Variants in ZZEF1 observed in about 807,000 individuals in gnomAD.
The protein encoded by ZZEF1 is zinc finger ZZ-type and EF-hand domain-containing protein 1.
A neutral mutation model predicts 342.8 loss-of-function variants in ZZEF1; 157 were observed. That is an observed-to-expected ratio of 0.46 (90% CI 0.40 to 0.52). The LOEUF (loss-of-function observed/expected upper bound fraction) is 0.52. ZZEF1 is among the 20% of genes least tolerant of loss of function. The pLI is 0.00. For synonymous variants in ZZEF1, 1,505 were observed against 1,429.1 expected (o/e 1.05, Z -1.20); for missense variants, 3,480 against 3,725.6 (o/e 0.93, Z 1.72).
intron 9 of ZZEF1, among the ~76,000 whole-genome samples, chr17:4,098,525 T>C (rs769179981): frequency 2.6e-5 from 4 of 152,258 alleles, no homozygotes; most frequent in Non-Finnish European, 4.4e-5. Context: ...TTGGTAATTA[T>C]CCTTTAACAA....
chr17:4,093,147 T>G (rs534275391), intron 11 of ZZEF1, among the ~76,000 whole-genome samples: 1 of 152,082 alleles, frequency 6.6e-6, no homozygotes, highest in Non-Finnish European at 1.5e-5. Context: ...AAAATCATCC[T>G]GTATAAGATG....
chr17:4,123,739 G>T (rs1044847441), intron 2 of ZZEF1, among the ~76,000 whole-genome samples, 168 bp downstream of exon 2: 3 of 152,110 alleles, frequency 2.0e-5, no homozygotes, highest in African/African-American at 4.8e-5. Flanking sequence ...AGCCACCACC[G>T]TACTGGGGAT....
intron 42 of ZZEF1, among the ~76,000 whole-genome samples, chr17:4,028,264 A>C (rs1223110024): frequency 6.6e-6 from 1 of 152,196 alleles, no homozygotes; most frequent in Non-Finnish European, 1.5e-5. Context: ...AAAGTGAGAT[A>C]CTGGCCAGGC....
intron 26 of ZZEF1, among the ~76,000 whole-genome samples, chr17:4,068,655 A>C (rs1400962390): frequency 6.6e-6 from 1 of 152,218 alleles, no homozygotes; most frequent in Non-Finnish European, 1.5e-5. Flanking sequence ...AACCCAAAGG[A>C]TAATATACTA....
intron 42 of ZZEF1, among the ~76,000 whole-genome samples, chr17:4,029,780 AG>A (rs2056497983): frequency 6.6e-6 from 1 of 151,402 alleles, no homozygotes. Flanking sequence ...AGGCTGAGGC[AG>A]GAGAATCACT....
chr17:4,046,416 T>C (rs116480302), intron 37 of ZZEF1, among the ~76,000 whole-genome samples: 231 of 152,318 alleles, frequency 1.5e-3, no homozygotes, highest in African/African-American at 5.2e-3. Flanking sequence ...GGAAGTGTTA[T>C]GTGCATGGTG....
chr17:4,135,449 G>C (rs1421703166), intron 1 of ZZEF1, among the ~76,000 whole-genome samples: 1 of 148,172 alleles, frequency 6.7e-6, no homozygotes, highest in Non-Finnish European at 1.5e-5. Flanking sequence ...ACTGCAGCCT[G>C]GGCAACAGAG....
chr17:4,064,637 G>A lies in ZZEF1; in HGVS notation c.4442C>T (p.Pro1481Leu), dbSNP rs760938201. Reference sequence around the variant, plus strand: ...AGGACTCTGGTCTCCTGTGGCAGGGGGTGCGGCTTCAGTGGGAGATACTGA... The same window carrying A: ...AGGACTCTGGTCTCCTGTGGCAGGGAGTGCGGCTTCAGTGGGAGATACTGA... ...QASVSPTEAAPPATGDQSPGL... is the reference protein window; with the variant it reads ...QASVSPTEAALPATGDQSPGL... Residue 1481 changes from proline to leucine, a missense_variant, in exon 29 of 55, where the codon CCC becomes CTC. Physicochemically the swap from Pro to Leu is moderately conservative, Grantham distance 98. This residue lies in a region of ZZEF1 where 1,528 missense variants were observed against 1,624.1 expected (regional missense o/e 0.94). Coordinates refer to ENST00000381638, the MANE Select transcript of ZZEF1 (RefSeq NM_015113.4). 8.7e-6 allele frequency: 14 copies of A among 1,614,060 alleles called. No individual in the cohort carries two copies. The highest frequency in any genetic ancestry group is 3.3e-5 in the Admixed American group (2 of 60,010).
At chr17:4,118,146 G>C (rs2058428671) in intron 2 of ZZEF1, among the ~76,000 whole-genome samples, 1 of 152,148 alleles carries the variant, frequency 6.6e-6, no homozygotes. Context: ...GGGCATTTGA[G>C]TCACTTCCTC....
Position 4,044,359 on chromosome 17 carries a change from G to T in ZZEF1, c.6031C>A (p.His2011Asn). The change falls in exon 38 of 55, where the codon CAT (histidine) becomes AAT (asparagine). Residue 2011 changes from histidine to asparagine, a missense_variant. Around this residue, in one of 5 missense-constraint regions of ZZEF1, gnomAD observed 1,269 missense variants for 1,342.4 expected, o/e 0.95. Transcript: ENST00000381638. The stretch of plus-strand genomic sequence containing the variant: ...AAATCTACAGGTCTGATTTCCTCAT[G>T]AACAGCTCTCTTTCCCTAAAAAAAC... ...SEAGNGKRAV[H>N]EEIRPVDFKQ... is the part of the protein sequence containing the mutation. 6.2e-7 allele frequency: 1 copy of T among 1,611,924 alleles called. No homozygotes were observed. The highest frequency in any genetic ancestry group is 1.1e-5 in the South Asian group (1 of 90,466).
chr17:4,013,088 CAA>C (rs200757795), intron 52 of ZZEF1, among the ~76,000 whole-genome samples: 26 of 75,148 alleles, frequency 3.5e-4, no homozygotes, highest in African/African-American at 4.4e-4. Context: ...GACTCTGTCT[CAA>C]AAAAAAAAAA....
intron 37 of ZZEF1, among the ~76,000 whole-genome samples, chr17:4,048,744 C>G (rs755034323): frequency 5.3e-5 from 8 of 152,054 alleles, no homozygotes; most frequent in Admixed American, 3.9e-4. Context: ...GAGATGGAGT[C>G]TTGCTGTCGC....
At chr17:4,134,272 T>C (rs915229745) in intron 1 of ZZEF1, among the ~76,000 whole-genome samples, 5 of 150,884 alleles carry the variant, frequency 3.3e-5, no homozygotes, top group African/African-American at 1.2e-4. Context: ...TGAGCTGTGA[T>C]CACACTACTG....
intron 45 of ZZEF1, among the ~76,000 whole-genome samples, chr17:4,020,904 C>T (rs1267899167): frequency 1.3e-5 from 2 of 152,190 alleles, no homozygotes; most frequent in Non-Finnish European, 2.9e-5. Context: ...GAGAGAGGAC[C>T]TAAAGCTTTT....
At chr17:4,091,669 C>T (rs1460364974) in intron 11 of ZZEF1, among the ~76,000 whole-genome samples, 1 of 151,902 alleles carries the variant, frequency 6.6e-6, no homozygotes, top group Admixed American at 6.6e-5. Flanking sequence ...CTCAGCTACT[C>T]AGGAGGCTGA....
chr17:4,110,352 CAGAGG>C (rs2058276010), intron 5 of ZZEF1, among the ~76,000 whole-genome samples: 1 of 152,120 alleles, frequency 6.6e-6, no homozygotes, highest in Non-Finnish European at 1.5e-5. Flanking sequence ...TTATTTGGGT[CAGAGG>C]AGAGAAGGTA....
rs111264867 is a variant in ZZEF1, at chr17:4,044,090, T to C, written c.6166+134A>G. ...GACATTCGAGGTGTCATCAGCACCA[T>C]CTGAACAGAACTGAGAAACCACGCA... is the stretch of plus-strand genomic sequence containing the variant. On this transcript the variant is annotated intron_variant, in intron 38 of 54. Coordinates refer to ENST00000381638, the MANE Select transcript of ZZEF1 (RefSeq NM_015113.4). 368 of 887,822 alleles carry C rather than the reference T, an allele frequency of 4.1e-4. 2 individuals are homozygous for C. The African/African-American group carries it at 5.5e-3, about 13-fold the overall frequency. 55.0% of individuals were successfully genotyped at this position (887,822 alleles called of 1,614,324 possible). A position where few individuals can be genotyped will look rare whatever the true frequency, so the allele number is the denominator to read the frequency against.
intron 46 of ZZEF1, 91 bp from the exon 47 acceptor site, chr17:4,018,062 T>G (rs577819894): frequency 6.5e-7 from 1 of 1,530,118 alleles, no homozygotes; most frequent in African/African-American, 1.4e-5. Flanking sequence ...TTCTTCAGAG[T>G]TGTTCTTCTG....
chr17:4,118,386 C>T lies in ZZEF1; in HGVS notation c.500-1220G>A, dbSNP rs376558871. On this transcript the variant is annotated intron_variant, in intron 2 of 54. Transcript: ENST00000381638. ...CTCTCAAAAGAAGAGTAGTTATCTG[C>T]AAAAGATAGTAGGGCCTTGCTCCAA... is the stretch of plus-strand genomic sequence containing the variant. Among the ~76,000 whole-genome samples, 142 of 152,274 alleles carry T rather than the reference C, an allele frequency of 9.3e-4. 1 individual carries two copies. In the South Asian group the frequency reaches 0.029, roughly 31 times the overall value.
Sources: gnomAD v4.1 joint callset for allele counts (sites outside exome capture counted in the v4.1 genomes callset) on GRCh38, gnomAD v4.1.1 for gene constraint, gnomAD v4.1.1 regional missense constraint, MANE v1.5 for transcripts, NCBI Gene and HGNC (gene_info 2026-07-23, HGNC 2026-07-21) for gene names.